NBPF12: variants seen among roughly 807,000 people sequenced by gnomAD.
The protein encoded by NBPF12 is NBPF member 12.
NBPF12 carries 115 observed loss-of-function variants against 146.4 expected under a neutral mutation model. That is an observed-to-expected ratio of 0.79 (90% CI 0.68 to 0.92). NBPF12 has a LOEUF of 0.92. Ranked by LOEUF, NBPF12 falls within the 40% of genes least tolerant of loss-of-function variation. The pLI is 0.00. For synonymous variants in NBPF12, 385 were observed against 508.9 expected (o/e 0.76, Z 3.28); for missense variants, 1,205 against 1,326.8 (o/e 0.91, Z 1.43).
At chr1:146,990,767 GTT>G (rs1347382686) in intron 29 of NBPF12, among the ~76,000 whole-genome samples, 2 of 116,798 alleles carry the variant, frequency 1.7e-5, no homozygotes, top group Non-Finnish European at 3.4e-5. Context: ...TCTTGAGCAA[GTT>G]TATGGAAAAT....
intron 15 of NBPF12, among the ~76,000 whole-genome samples, chr1:146,975,313 G>A (rs1434096059): frequency 3.1e-5 from 4 of 130,016 alleles, no homozygotes; most frequent in African/African-American, 1.3e-4. Context: ...TCTGTACATG[G>A]CTTTGTATCT....
intron 1 of NBPF12, among the ~76,000 whole-genome samples, chr1:146,940,255 G>A (rs1289762363): frequency 8.6e-5 from 13 of 151,684 alleles, no homozygotes; most frequent in Non-Finnish European, 1.8e-4. Flanking sequence ...AGAACTTTGT[G>A]TCAAAGAAAT....
chr1:146,969,624 C>G (rs1656444261), intron 11 of NBPF12, 28 bp downstream of exon 14: 2 of 1,606,372 alleles, frequency 1.2e-6, no homozygotes, highest in East Asian at 2.2e-5. Context: ...CCTGATGACC[C>G]AAAACCCCAG....
At chr1:146,994,590 G>T in exon 34 of NBPF12, 3 of 1,595,918 alleles carry the variant, frequency 1.9e-6, no homozygotes, top group Non-Finnish European at 1.7e-6. Flanking sequence ...CCCTTACTAA[G>T]CCGAGAGGTT....
intron 10 of NBPF12, 34 bp downstream of exon 13, chr1:146,968,584 A>G (rs1656355785): frequency 1.9e-6 from 3 of 1,548,188 alleles, no homozygotes; most frequent in Non-Finnish European, 2.7e-6. Context: ...GCAGGGGGGC[A>G]GGTGTGTAAA....
exon 34 of NBPF12, chr1:146,994,342 G>A (rs782485156): frequency 3.0e-4 from 488 of 1,611,602 alleles, no homozygotes; most frequent in Non-Finnish European, 3.5e-4. Flanking sequence ...GCTCAACAGC[G>A]TGCTGATGGA....
At chr1:146,973,269 A>G (rs1219681471) in intron 14 of NBPF12, among the ~76,000 whole-genome samples, 10 of 151,272 alleles carry the variant, frequency 6.6e-5, no homozygotes, top group Admixed American at 2.6e-4. Flanking sequence ...TCCTCTCTGT[A>G]CCATATAAGA....
chr1:146,963,197 C>G (rs1234203668), exon 6 of NBPF12: 1 of 1,594,724 alleles, frequency 6.3e-7, no homozygotes, highest in Non-Finnish European at 8.6e-7. Flanking sequence ...ATGAGCATCT[C>G]CAGGCCCTCC....
At chr1:146,944,190 TGTG>T (rs1435697376) in intron 2 of NBPF12, among the ~76,000 whole-genome samples, 2 of 129,100 alleles carry the variant, frequency 1.5e-5, no homozygotes, top group African/African-American at 5.9e-5. Flanking sequence ...CCCAGGACCT[TGTG>T]GTGGACGCCT....
intron 8 of NBPF12, among the ~76,000 whole-genome samples, chr1:146,966,219 T>C (rs1357086502): frequency 6.6e-6 from 1 of 152,030 alleles, no homozygotes; most frequent in Non-Finnish European, 1.5e-5. Flanking sequence ...GGCCAAGCCT[T>C]GCTTTATAGA....
intron 31 of NBPF12, among the ~76,000 whole-genome samples, chr1:146,992,430 C>A (rs1658230694): frequency 1.5e-5 from 2 of 132,766 alleles, no homozygotes; most frequent in South Asian, 2.4e-4. Context: ...ATTCACTGAG[C>A]TCGTTCTCTC....
At chr1:146,954,020 T>C in intron 2 of NBPF12, among the ~76,000 whole-genome samples, 1 of 146,014 alleles carries the variant, frequency 6.8e-6, no homozygotes, top group South Asian at 2.2e-4. Context: ...TTCTGTATAT[T>C]AGCAATGAGC....
chr1:146,972,057 C>T (rs1656669095), intron 13 of NBPF12, among the ~76,000 whole-genome samples: 2 of 144,626 alleles, frequency 1.4e-5, no homozygotes, highest in Admixed American at 1.4e-4. Context: ...CACTGCACTC[C>T]AGCCTGGGAG....
intron 4 of NBPF12, 69 bp from the exon 8 acceptor site, chr1:146,962,092 C>A: frequency 1.4e-6 from 2 of 1,474,092 alleles, no homozygotes; most frequent in South Asian, 1.1e-5. Context: ...TGGCTCCTGC[C>A]CTGTAGGCAG....
At chr1:146,964,808 G>C in intron 7 of NBPF12, 85 bp from the exon 11 acceptor site, 1 of 1,594,644 alleles carries the variant, frequency 6.3e-7, no homozygotes, top group Non-Finnish European at 8.6e-7. Flanking sequence ...TCTTAATGCC[G>C]CCTGTCAAAA....
At chr1:146,982,878 A>G (rs1657482941) in intron 19 of NBPF12, 50 bp from the exon 23 acceptor site, 1 of 1,566,192 alleles carries the variant, frequency 6.4e-7, no homozygotes, top group African/African-American at 1.4e-5. Context: ...TTGTTGTCTA[A>G]TGTCTGTTGG....
chr1:146,994,356 G>T, exon 34 of NBPF12: 1 of 1,612,016 alleles, frequency 6.2e-7, no homozygotes, highest in Non-Finnish European at 8.5e-7. Context: ...TGATGGAAGT[G>T]GAAGAGCCTG....
intron 6 of NBPF12, 135 bp from the exon 10 acceptor site, chr1:146,964,222 T>C: frequency 7.1e-7 from 1 of 1,401,296 alleles, no homozygotes; most frequent in Non-Finnish European, 9.9e-7. Context: ...GAGCATTTTG[T>C]GAAGGATAAA....
upstream of NBPF12, among the ~76,000 whole-genome samples, chr1:146,945,486 T>C (rs1655010677): frequency 1.3e-5 from 2 of 151,922 alleles, no homozygotes; most frequent in African/African-American, 4.8e-5. Context: ...ACCCCAGGGT[T>C]AGAGGTAAAT....
Sources: allele counts gnomAD v4.1 joint callset (sites outside exome capture counted in the v4.1 genomes callset), GRCh38; gene constraint gnomAD v4.1.1; transcripts MANE v1.5; gene names NCBI Gene and HGNC (gene_info 2026-07-23, HGNC 2026-07-21).